REDIC1: variants seen among roughly 807,000 people sequenced by gnomAD.
REDIC1 encodes regulator of DNA class I crossover intermediates 1.
chr12:39,691,116 A>G, the REDIC1 span, among the ~76,000 whole-genome samples: 4 of 152,298 alleles, frequency 2.6e-5, no homozygotes, highest in South Asian at 4.1e-4. Context: ...GAGAGAAGAA[A>G]GGAAAAGGAA....
the REDIC1 span, among the ~76,000 whole-genome samples, chr12:39,629,797 C>A: frequency 6.6e-6 from 1 of 152,166 alleles, no homozygotes; most frequent in South Asian, 2.1e-4. Context: ...GATAGTAGTT[C>A]CCAAACTACT....
the REDIC1 span, among the ~76,000 whole-genome samples, chr12:39,702,729 A>G: frequency 6.6e-6 from 1 of 152,262 alleles, no homozygotes; most frequent in Non-Finnish European, 1.5e-5. Flanking sequence ...GAAAAAGCTT[A>G]TCCACCATGA....
the REDIC1 span, among the ~76,000 whole-genome samples, chr12:39,711,695 GTA>G: frequency 1.6e-3 from 67 of 40,986 alleles, 1 homozygote; most frequent in African/African-American, 2.4e-3. Context: ...ACATGTATGT[GTA>G]TGTGTATACA....
chr12:39,653,539 T>TTC, the REDIC1 span, among the ~76,000 whole-genome samples: 348 of 56,110 alleles, frequency 6.2e-3, 27 homozygotes, highest in African/African-American at 0.019. Flanking sequence ...TCTTCTTCTT[T>TTC]TTCTTCTTCT....
the REDIC1 span, among the ~76,000 whole-genome samples, chr12:39,822,127 T>A: frequency 1.3e-4 from 18 of 139,608 alleles, no homozygotes; most frequent in African/African-American, 4.6e-4. Context: ...TGTCCATGTG[T>A]TCTCATTGTT....
chr12:39,754,172 C>T, the REDIC1 span: 5 of 152,062 alleles, frequency 3.3e-5, no homozygotes, highest in African/African-American at 1.2e-4. Flanking sequence ...CTATGACTTT[C>T]TAGTGTGATC....
chr12:39,769,485 T>G, the REDIC1 span, among the ~76,000 whole-genome samples: 1 of 152,076 alleles, frequency 6.6e-6, no homozygotes, highest in East Asian at 1.9e-4. Flanking sequence ...TATCAGCTTC[T>G]ACTTTTCTAT....
chr12:39,896,593 CATAT>C, the REDIC1 span, among the ~76,000 whole-genome samples: 2 of 150,214 alleles, frequency 1.3e-5, no homozygotes, highest in Non-Finnish European at 3.0e-5. Flanking sequence ...TATATGTATA[CATAT>C]ATGTATGTAT....
At chr12:39,864,407 A>G in the REDIC1 span, among the ~76,000 whole-genome samples, 1 of 152,218 alleles carries the variant, frequency 6.6e-6, no homozygotes, top group Non-Finnish European at 1.5e-5. Context: ...TACTGATTAA[A>G]GTTATTTACT....
the REDIC1 span, among the ~76,000 whole-genome samples, chr12:39,704,550 G>C: frequency 6.6e-6 from 1 of 152,136 alleles, no homozygotes; most frequent in Non-Finnish European, 1.5e-5. Context: ...AATACCATTT[G>C]ACCCAGCCAT....
the REDIC1 span, among the ~76,000 whole-genome samples, chr12:39,792,721 A>C: frequency 6.6e-6 from 1 of 151,928 alleles, no homozygotes; most frequent in African/African-American, 2.4e-5. Flanking sequence ...TGGGTTTTGC[A>C]TCCTGCAAGT....
the REDIC1 span, among the ~76,000 whole-genome samples, chr12:39,813,557 A>AAAT: frequency 6.6e-6 from 1 of 152,244 alleles, no homozygotes; most frequent in South Asian, 2.1e-4. Flanking sequence ...TGCACCTGAA[A>AAAT]AATTAACAAT....
the REDIC1 span, among the ~76,000 whole-genome samples, chr12:39,673,785 A>G: frequency 6.6e-6 from 1 of 152,162 alleles, no homozygotes; most frequent in Non-Finnish European, 1.5e-5. Flanking sequence ...ATTTGTAATT[A>G]TCTTTTATAT....
the REDIC1 span, among the ~76,000 whole-genome samples, chr12:39,706,825 C>T: frequency 6.6e-6 from 1 of 152,018 alleles, no homozygotes; most frequent in Middle Eastern, 3.4e-3. Flanking sequence ...AAACTAGACC[C>T]CTGTCTCTCA....
chr12:39,683,198 A>G, the REDIC1 span: 17 of 1,457,704 alleles, frequency 1.2e-5, no homozygotes, highest in Admixed American at 4.4e-5. Context: ...CAGTTTTAGT[A>G]TATATATTTG....
the REDIC1 span, among the ~76,000 whole-genome samples, chr12:39,664,218 CT>C: frequency 1.3e-5 from 2 of 151,106 alleles, no homozygotes; most frequent in East Asian, 3.9e-4. Flanking sequence ...AATGCTATCC[CT>C]ATACCCTCCC....
chr12:39,783,827 C>T, the REDIC1 span, among the ~76,000 whole-genome samples: 1 of 152,128 alleles, frequency 6.6e-6, no homozygotes, highest in Admixed American at 6.6e-5. Flanking sequence ...TAGAAAACCC[C>T]ATCGTCGCAG....
chr12:39,705,364 G>T, the REDIC1 span, among the ~76,000 whole-genome samples: 2 of 152,030 alleles, frequency 1.3e-5, no homozygotes, highest in Non-Finnish European at 2.9e-5. Flanking sequence ...AGGCTTCACT[G>T]CTGAATTCTA....
the REDIC1 span, among the ~76,000 whole-genome samples, chr12:39,713,227 TATACGTGTATATATGTGTACACACAC>T: frequency 3.0e-3 from 405 of 134,276 alleles, 8 homozygotes; most frequent in Middle Eastern, 8.1e-3. Flanking sequence ...ATATTACACA[TATACGTGTATATATGTGTACACACAC>T]ATACGTGTAT....
Sources: allele counts gnomAD v4.1 joint callset (sites outside exome capture counted in the v4.1 genomes callset), GRCh38; gene constraint gnomAD v4.1.1; transcripts MANE v1.5; gene names NCBI Gene and HGNC (gene_info 2026-07-23, HGNC 2026-07-21).